The following RAB30 variants were observed in gnomAD, a reference collection of about 807,000 sequenced individuals.
RAB30 encodes ras-related protein Rab-30.
A neutral mutation model predicts 25.1 loss-of-function variants in RAB30; 9 were observed. The ratio of observed to expected loss-of-function variants is 0.36; its 90% CI spans 0.22 to 0.63. RAB30 has a LOEUF of 0.63. RAB30 is among the 20% of genes least tolerant of loss of function. The pLI, the probability that RAB30 is intolerant of heterozygous loss-of-function variation, is 0.69. For synonymous variants in RAB30, 77 were observed against 86.4 expected (o/e 0.89, Z 0.60); for missense variants, 140 against 243.5 (o/e 0.58, Z 2.83).
At chr11:83,041,810 TG>T (rs1311396795) in intron 1 of RAB30, among the ~76,000 whole-genome samples, 1 of 152,082 alleles carries the variant, frequency 6.6e-6, no homozygotes, top group Admixed American at 6.5e-5. Context: ...GAGGCTGAGC[TG>T]GGTAGATTTC....
intron 1 of RAB30, among the ~76,000 whole-genome samples, chr11:83,040,324 C>T (rs182316124): frequency 2.6e-5 from 4 of 152,264 alleles, no homozygotes; most frequent in African/African-American, 7.2e-5. Context: ...TGCAGTGGCT[C>T]GGGCCTGTAA....
chr11:83,022,620 C>T (rs1857607250), intron 1 of RAB30, among the ~76,000 whole-genome samples: 1 of 151,606 alleles, frequency 6.6e-6, no homozygotes. Context: ...AAATAAGTAT[C>T]CTTTATTTTA....
intron 1 of RAB30, among the ~76,000 whole-genome samples, chr11:83,012,983 T>C (rs917546847): frequency 6.6e-6 from 1 of 152,160 alleles, no homozygotes; most frequent in African/African-American, 2.4e-5. Flanking sequence ...TCTCAAACCA[T>C]ACCCCCACCC....
chr11:83,056,765 C>A (rs1590878867), intron 1 of RAB30, among the ~76,000 whole-genome samples: 1 of 152,126 alleles, frequency 6.6e-6, no homozygotes, highest in African/African-American at 2.4e-5. Flanking sequence ...TTCAGAGATT[C>A]AGTTTTCTCA....
intron 1 of RAB30, among the ~76,000 whole-genome samples, chr11:83,025,421 G>A (rs547023565): frequency 3.3e-5 from 5 of 152,310 alleles, no homozygotes; most frequent in African/African-American, 1.2e-4. Flanking sequence ...CACCAGACTT[G>A]AAAGCAAAGG....
intron 1 of RAB30, among the ~76,000 whole-genome samples, chr11:83,040,002 G>A (rs1858071608): frequency 6.6e-6 from 1 of 152,164 alleles, no homozygotes; most frequent in Admixed American, 6.5e-5. Context: ...CTGATGAGGA[G>A]AAGCAGCAAG....
At chr11:82,988,514 C>T (rs1265835129) in intron 3 of RAB30, among the ~76,000 whole-genome samples, 2 of 152,196 alleles carry the variant, frequency 1.3e-5, no homozygotes, top group African/African-American at 4.8e-5. Context: ...GGCCAAGTCA[C>T]TTAATCTCTT....
chr11:83,026,970 T>A (rs1449649243), intron 1 of RAB30, among the ~76,000 whole-genome samples: 1 of 152,088 alleles, frequency 6.6e-6, no homozygotes, highest in Non-Finnish European at 1.5e-5. Flanking sequence ...ACACAGGAAC[T>A]GACAGTACCT....
chr11:83,046,912 G>A (rs937870355), intron 1 of RAB30, among the ~76,000 whole-genome samples: 19 of 152,158 alleles, frequency 1.2e-4, no homozygotes, highest in African/African-American at 4.1e-4. Context: ...ACAGCTTGCT[G>A]CCTCTGGATT....
At chr11:82,996,643 TATG>T (rs1018007750) in intron 2 of RAB30, among the ~76,000 whole-genome samples, 2 of 152,194 alleles carry the variant, frequency 1.3e-5, no homozygotes, top group Admixed American at 1.3e-4. Context: ...ACTTAGATCA[TATG>T]ATAAGAATTG....
chr11:83,050,455 G>A (rs1858332883), intron 1 of RAB30, among the ~76,000 whole-genome samples: 1 of 152,144 alleles, frequency 6.6e-6, no homozygotes, highest in Admixed American at 6.6e-5. Flanking sequence ...ATAACAACAG[G>A]ATGATGGAAA....
chr11:82,982,089 C>T lies in RAB30; in HGVS notation c.*76G>A. On this transcript the variant is annotated 3_prime_UTR_variant, in exon 5 of 5. Coordinates refer to ENST00000527633, the MANE Select transcript of RAB30 (RefSeq NM_001286060.2). Reference sequence around the variant, plus strand: ...AAGGTCAGAGAGCGGGAGCCACAGTCATCGCCAGATCTCCCCAGCATCTCA... The same window carrying T: ...AAGGTCAGAGAGCGGGAGCCACAGTTATCGCCAGATCTCCCCAGCATCTCA... 1 of 1,581,330 alleles carries T rather than the reference C, an allele frequency of 6.3e-7. No homozygotes were observed. Among genetic ancestry groups the T allele is most frequent in the Non-Finnish European group, 8.6e-7 (1 of 1,158,378 alleles).
At chr11:82,995,739 A>G (rs994244477) in intron 2 of RAB30, among the ~76,000 whole-genome samples, 4 of 152,182 alleles carry the variant, frequency 2.6e-5, no homozygotes, top group African/African-American at 9.7e-5. Context: ...CAGAAGTTAG[A>G]ATGTATAGGA....
rs140962702 is a variant in RAB30, at chr11:82,999,308, A to T, written c.-8-1984T>A. ...GCTAAGCACCAGATTCATGTTCCAA[A>T]GGCATATGGTATCATAAAAAATGGA... On this transcript the variant is annotated intron_variant, in intron 1 of 4. Coordinates refer to ENST00000527633, the MANE Select transcript of RAB30 (RefSeq NM_001286060.2). 5.1e-3 allele frequency among the ~76,000 whole-genome samples: 772 copies of T among 152,336 alleles called. 7 individuals carry two copies. Among genetic ancestry groups the T allele is most frequent in the African/African-American group, 0.017 (723 of 41,560 alleles).
intron 1 of RAB30, among the ~76,000 whole-genome samples, chr11:83,055,273 C>T (rs1858434826): frequency 6.6e-6 from 1 of 152,230 alleles, no homozygotes. Context: ...GAATGAGTAC[C>T]TGTCCAGCAC....
At chr11:83,014,380 T>C (rs1420552512) in intron 1 of RAB30, among the ~76,000 whole-genome samples, 2 of 152,092 alleles carry the variant, frequency 1.3e-5, no homozygotes, top group Admixed American at 6.6e-5. Flanking sequence ...AGACCTCATC[T>C]CTACAAAAAA....
chr11:82,984,007 T>C (rs1056653316), intron 4 of RAB30, among the ~76,000 whole-genome samples: 1 of 152,230 alleles, frequency 6.6e-6, no homozygotes, highest in Non-Finnish European at 1.5e-5. Context: ...TGTGGTTAAG[T>C]AAAATTTCTG....
chr11:83,042,304 G>A (rs60783560), intron 1 of RAB30, among the ~76,000 whole-genome samples: 2 of 152,046 alleles, frequency 1.3e-5, no homozygotes, highest in African/African-American at 4.8e-5. Flanking sequence ...TGTAATCCTA[G>A]CACTTTGGGA....
At chr11:83,008,502 G>C (rs1201601968) in intron 1 of RAB30, among the ~76,000 whole-genome samples, 1 of 152,160 alleles carries the variant, frequency 6.6e-6, no homozygotes, top group African/African-American at 2.4e-5. Flanking sequence ...TTGCATCCTT[G>C]AATCAACCCC....
Sources: allele counts gnomAD v4.1 joint callset (sites outside exome capture counted in the v4.1 genomes callset), GRCh38; gene constraint gnomAD v4.1.1; transcripts MANE v1.5; gene names NCBI Gene and HGNC (gene_info 2026-07-23, HGNC 2026-07-21).